CEP63: variants seen among roughly 807,000 people sequenced by gnomAD.
CEP63 encodes the protein centrosomal protein of 63 kDa.
Under a neutral mutation model 89.1 loss-of-function variants are expected in CEP63, and 84 were observed. That is an observed-to-expected ratio of 0.94 (90% CI 0.79 to 1.13). The LOEUF (loss-of-function observed/expected upper bound fraction) is 1.13. Ranked by LOEUF, CEP63 falls within the 50% of genes most tolerant of loss-of-function variation. The pLI is 0.00. For synonymous variants in CEP63, 267 were observed against 272.5 expected, an observed-to-expected ratio of 0.98 and a Z score of 0.20; for missense variants, 838 against 813.3, an observed-to-expected ratio of 1.03 and a Z score of -0.37.
At chr3:134,493,283 T>A (rs1938410487) in intron 1 of CEP63, among the ~76,000 whole-genome samples, 1 of 151,860 alleles carries the variant, frequency 6.6e-6, no homozygotes, top group Admixed American at 6.6e-5. Flanking sequence ...CCCCTCATTT[T>A]GCAGATGTTA....
chr3:134,501,445 A>G (rs1355513325), intron 2 of CEP63, among the ~76,000 whole-genome samples: 1 of 152,174 alleles, frequency 6.6e-6, no homozygotes, highest in Non-Finnish European at 1.5e-5. Context: ...AACTGTATAA[A>G]TTCTTCTAAT....
chr3:134,771,445 C>A, the CEP63 span, among the ~76,000 whole-genome samples: 1 of 152,182 alleles, frequency 6.6e-6, no homozygotes, highest in Non-Finnish European at 1.5e-5. Context: ...ATCAGAACCA[C>A]CTGGAGGATT....
the CEP63 span, among the ~76,000 whole-genome samples, chr3:134,618,421 C>G: frequency 4.6e-5 from 7 of 152,268 alleles, no homozygotes; most frequent in Admixed American, 3.9e-4. Flanking sequence ...TCATCCACCC[C>G]CTGGGGAGGG....
downstream of CEP63, among the ~76,000 whole-genome samples, chr3:134,575,597 C>T (rs1390374356): frequency 7.4e-6 from 1 of 135,638 alleles, no homozygotes; most frequent in Admixed American, 7.5e-5. Flanking sequence ...CCCTCCCTTT[C>T]TTCCTTTCTT....
the CEP63 span, chr3:134,610,474 GC>G: frequency 9.2e-7 from 1 of 1,087,884 alleles, no homozygotes; most frequent in Non-Finnish European, 1.4e-6. Flanking sequence ...CATGTTTGCT[GC>G]CCATCAGTCC....
the CEP63 span, among the ~76,000 whole-genome samples, chr3:134,775,942 G>C: frequency 6.6e-6 from 1 of 152,106 alleles, no homozygotes; most frequent in South Asian, 2.1e-4. Flanking sequence ...CTCTGCATCA[G>C]GTCTACACAC....
chr3:134,764,626 C>T, the CEP63 span, among the ~76,000 whole-genome samples: 8 of 152,178 alleles, frequency 5.3e-5, no homozygotes, highest in South Asian at 2.1e-4. Flanking sequence ...CCTTCCCCAT[C>T]GCAATGCTTC....
intron 2 of CEP63, among the ~76,000 whole-genome samples, chr3:134,500,273 T>C (rs1331033938): frequency 6.6e-6 from 1 of 152,244 alleles, no homozygotes; most frequent in Non-Finnish European, 1.5e-5. Context: ...AAGAACATTT[T>C]GTTTTTCTTT....
chr3:134,774,146 G>T, the CEP63 span, among the ~76,000 whole-genome samples: 1 of 152,144 alleles, frequency 6.6e-6, no homozygotes, highest in Non-Finnish European at 1.5e-5. Context: ...ATGCTCTGGG[G>T]CATTATTTCT....
the CEP63 span, chr3:134,613,309 T>C: frequency 7.0e-3 from 1,069 of 152,960 alleles, 11 homozygotes; most frequent in African/African-American, 0.025. Flanking sequence ...TCCTAGGCCG[T>C]GTGCCCAGGG....
the CEP63 span, among the ~76,000 whole-genome samples, chr3:134,707,326 C>T: frequency 6.6e-6 from 1 of 152,048 alleles, no homozygotes; most frequent in South Asian, 2.1e-4. Flanking sequence ...GACAACCAGC[C>T]CAGTGCAGAT....
At chr3:134,742,263 C>T in the CEP63 span, among the ~76,000 whole-genome samples, 1 of 152,076 alleles carries the variant, frequency 6.6e-6, no homozygotes, top group Admixed American at 6.6e-5. Context: ...TGCAAGTTTT[C>T]CTCTCTCCTG....
At chr3:134,628,762 T>C in the CEP63 span, among the ~76,000 whole-genome samples, 12 of 152,208 alleles carry the variant, frequency 7.9e-5, no homozygotes, top group Admixed American at 7.9e-4. Flanking sequence ...CCTTCTTTTA[T>C]AGTTGACAAA....
At chr3:134,734,901 T>C in the CEP63 span, among the ~76,000 whole-genome samples, 3,335 of 152,278 alleles carry the variant, frequency 0.022, 121 homozygotes, top group African/African-American at 0.076. Context: ...CTCATCAACA[T>C]TGAAAACCTG....
intron 2 of CEP63, among the ~76,000 whole-genome samples, chr3:134,500,398 A>G (rs1381912692): frequency 6.6e-6 from 1 of 152,124 alleles, no homozygotes; most frequent in African/African-American, 2.4e-5. Flanking sequence ...GTTGCGATGA[A>G]CATGTGAGCG....
the CEP63 span, among the ~76,000 whole-genome samples, chr3:134,657,031 G>T: frequency 3.3e-5 from 5 of 152,048 alleles, no homozygotes. Context: ...TTATATATAG[G>T]TGTGTTAGTC....
At chr3:134,615,199 C>G in the CEP63 span, 1 of 152,516 alleles carries the variant, frequency 6.6e-6, no homozygotes, top group Non-Finnish European at 1.5e-5. Flanking sequence ...CATGCAGAAC[C>G]TCATGAGACG....
intron 2 of CEP63, among the ~76,000 whole-genome samples, chr3:134,502,329 T>C (rs982580651): frequency 5.9e-5 from 9 of 152,078 alleles, no homozygotes; most frequent in African/African-American, 2.2e-4. Flanking sequence ...CAGGGTGATG[T>C]TGGTTTCATA....
At position 134,562,153 on chromosome 3, in the gene CEP63, C is replaced by A; in HGVS notation, c.*618C>A. 2.0e-6 allele frequency: 2 copies of A among 987,404 alleles called. No individual in the cohort carries two copies. The highest frequency in any genetic ancestry group is 2.4e-6 in the Non-Finnish European group (2 of 831,278). The allele number at this position is 987,404 out of a possible 1,614,324, so 61.2% of individuals were successfully genotyped here. On this transcript the variant is annotated 3_prime_UTR_variant, in exon 15 of 15. Coordinates refer to ENST00000675561, the MANE Select transcript of CEP63 (RefSeq NM_001353108.3). Reference sequence around the variant, plus strand: ...AGAGGCAGGGAGGGCAAGGGACTGGCTGTCATGCACGGTGCCCATGGAATA... The same window carrying A: ...AGAGGCAGGGAGGGCAAGGGACTGGATGTCATGCACGGTGCCCATGGAATA...
Sources: gnomAD v4.1 joint callset for allele counts (sites outside exome capture counted in the v4.1 genomes callset) on GRCh38, gnomAD v4.1.1 for gene constraint, MANE v1.5 for transcripts, NCBI Gene and HGNC (gene_info 2026-07-23, HGNC 2026-07-21) for gene names.